Variants in NEMP2 observed in about 807,000 individuals in gnomAD.
The protein encoded by NEMP2 is nuclear envelope integral membrane protein 2.
NEMP2 carries 53 observed loss-of-function variants against 54.2 expected under a neutral mutation model. The observed-to-expected ratio is 0.98, with a 90% confidence interval of 0.78 to 1.23. The LOEUF (loss-of-function observed/expected upper bound fraction) is 1.23, where lower values mean the gene tolerates loss of function less well. Among genes scored for constraint, NEMP2 ranks in the 50% most tolerant of loss-of-function variants. The pLI is 0.00. For missense variants in NEMP2, 455 were observed against 511.3 expected (o/e 0.89, Z 1.06); for synonymous variants, 197 against 190.3 (o/e 1.04, Z -0.29).
the NEMP2 span, among the ~76,000 whole-genome samples, chr2:190,549,728 A>T: frequency 1.6e-4 from 24 of 152,028 alleles, no homozygotes; most frequent in African/African-American, 5.8e-4. Context: ...AATTTTTGCC[A>T]GTTTCTTTGA....
the NEMP2 span, among the ~76,000 whole-genome samples, chr2:190,612,224 C>T: frequency 0.04 from 5,777 of 144,738 alleles, 169 homozygotes; most frequent in Non-Finnish European, 0.064. Context: ...GGCATGATCT[C>T]GGCTCACTGT....
At chr2:190,624,168 A>G in the NEMP2 span, among the ~76,000 whole-genome samples, 3,256 of 152,274 alleles carry the variant, frequency 0.021, 124 homozygotes, top group African/African-American at 0.073. Flanking sequence ...TCAAAAGAAG[A>G]CATACAAATG....
At chr2:190,558,373 T>C in the NEMP2 span, among the ~76,000 whole-genome samples, 1 of 152,204 alleles carries the variant, frequency 6.6e-6, no homozygotes, top group African/African-American at 2.4e-5. The surrounding 1 kb of genome is among the most constrained non-coding windows in gnomAD (Gnocchi z 4.4). Context: ...CTAATGTAGA[T>C]GACGGGTTGA....
chr2:190,619,350 A>T, the NEMP2 span, among the ~76,000 whole-genome samples: 1 of 151,242 alleles, frequency 6.6e-6, no homozygotes, highest in Non-Finnish European at 1.5e-5. This position sits in a 1 kb window ranked among gnomAD's most constrained non-coding sequence, Gnocchi z 5.5. Flanking sequence ...AAAAAAAAAA[A>T]TTAGCCAGAT....
At chr2:190,444,377 C>T in the NEMP2 span, among the ~76,000 whole-genome samples, 1 of 152,158 alleles carries the variant, frequency 6.6e-6, no homozygotes, top group African/African-American at 2.4e-5. Context: ...AACTTATAGG[C>T]ACTGTAGAAT....
chr2:190,578,078 T>C, the NEMP2 span, among the ~76,000 whole-genome samples: 1 of 152,226 alleles, frequency 6.6e-6, no homozygotes, highest in African/African-American at 2.4e-5. The surrounding 1 kb of genome is among the most constrained non-coding windows in gnomAD (Gnocchi z 4.4). Flanking sequence ...TCCTTCTCTT[T>C]CATTGTCCTT....
chr2:190,586,424 G>A, the NEMP2 span, among the ~76,000 whole-genome samples: 1 of 152,132 alleles, frequency 6.6e-6, no homozygotes, highest in South Asian at 2.1e-4. This position sits in a 1 kb window ranked among gnomAD's most constrained non-coding sequence, Gnocchi z 4.5. Flanking sequence ...TGGAACTTGA[G>A]TGATACATGG....
the NEMP2 span, among the ~76,000 whole-genome samples, chr2:190,441,852 T>C: frequency 1.3e-5 from 2 of 152,154 alleles, no homozygotes; most frequent in East Asian, 1.9e-4. Flanking sequence ...GTGGAGAGGC[T>C]GCCTGTGGTT....
the NEMP2 span, among the ~76,000 whole-genome samples, chr2:190,550,497 C>A: frequency 6.6e-6 from 1 of 152,132 alleles, no homozygotes. This position sits in a 1 kb window ranked among gnomAD's most constrained non-coding sequence, Gnocchi z 4.7. Flanking sequence ...CAAACCATAG[C>A]GATGAAATTA....
At chr2:190,455,530 C>G in the NEMP2 span, among the ~76,000 whole-genome samples, 1 of 152,096 alleles carries the variant, frequency 6.6e-6, no homozygotes, top group African/African-American at 2.4e-5. Flanking sequence ...TCTGCACGAC[C>G]CTGGCAACTT....
the NEMP2 span, among the ~76,000 whole-genome samples, chr2:190,641,964 C>T: frequency 2.0e-5 from 3 of 152,332 alleles, no homozygotes; most frequent in East Asian, 1.9e-4. Flanking sequence ...CTGTCTTAAA[C>T]ACAAATTTTA....
the NEMP2 span, among the ~76,000 whole-genome samples, chr2:190,604,879 G>A: frequency 6.6e-6 from 1 of 152,160 alleles, no homozygotes; most frequent in East Asian, 1.9e-4. This position sits in a 1 kb window ranked among gnomAD's most constrained non-coding sequence, Gnocchi z 4.5. Context: ...CATGCCTTGT[G>A]ACCAAAACCG....
chr2:190,440,738 GT>G, the NEMP2 span, among the ~76,000 whole-genome samples: 5 of 152,168 alleles, frequency 3.3e-5, no homozygotes, highest in Non-Finnish European at 7.4e-5. Flanking sequence ...CTCAAGGTCT[GT>G]TTTGCCATGC....
chr2:190,647,710 C>CTTTTTT, the NEMP2 span, among the ~76,000 whole-genome samples: 158 of 102,358 alleles, frequency 1.5e-3, no homozygotes, highest in Non-Finnish European at 1.6e-3. Flanking sequence ...TCTTCTTCTT[C>CTTTTTT]TTTTTTTTTT....
chr2:190,519,492 A>C lies in NEMP2; in HGVS notation c.214-309T>G, dbSNP rs1690681073. 6.6e-6 allele frequency among the ~76,000 whole-genome samples: 1 copy of C among 152,240 alleles called. No individual in the cohort carries two copies. Among genetic ancestry groups the C allele is most frequent in the African/African-American group, 2.4e-5 (1 of 41,454 alleles). On this transcript the variant is annotated intron_variant, in intron 2 of 8. Transcript: ENST00000409150. This position sits in a 1 kb window ranked among gnomAD's most constrained non-coding sequence, Gnocchi z 5.4. ...TGCTTCAGCCTCCCAAAGTGCTGGG[A>C]TTACCGGCATGAGCCACTGCATCCA...
At chr2:190,598,033 G>T in the NEMP2 span, among the ~76,000 whole-genome samples, 1 of 152,104 alleles carries the variant, frequency 6.6e-6, no homozygotes, top group Non-Finnish European at 1.5e-5. Flanking sequence ...CCTCTTCATT[G>T]TCTTCTTCGT....
chr2:190,477,294 C>A, the NEMP2 span: 24 of 984,610 alleles, frequency 2.4e-5, no homozygotes, highest in Non-Finnish European at 2.8e-5. Flanking sequence ...GGATTTCCCA[C>A]CTCTGGTTCC....
the NEMP2 span, chr2:190,488,571 T>A: frequency 8.5e-7 from 1 of 1,171,166 alleles, no homozygotes; most frequent in Non-Finnish European, 1.1e-6. This position sits in a 1 kb window ranked among gnomAD's most constrained non-coding sequence, Gnocchi z 6.4. Context: ...TAAAAATAGG[T>A]GCCTAGTTAA....
the NEMP2 span, among the ~76,000 whole-genome samples, chr2:190,560,254 G>A: frequency 6.6e-6 from 1 of 152,160 alleles, no homozygotes; most frequent in Non-Finnish European, 1.5e-5. This position sits in a 1 kb window ranked among gnomAD's most constrained non-coding sequence, Gnocchi z 5.4. Context: ...TGCTTCAGAG[G>A]GTTGAAAGCA....
Sources: allele counts gnomAD v4.1 joint callset (sites outside exome capture counted in the v4.1 genomes callset), GRCh38; gene constraint gnomAD v4.1.1; non-coding constraint Gnocchi (gnomAD v3.1); transcripts MANE v1.5; gene names NCBI Gene and HGNC (gene_info 2026-07-23, HGNC 2026-07-21).